Variants in TAF12 observed in about 807,000 individuals in gnomAD.
TAF12 encodes TATA-box binding protein associated factor 12.
A neutral mutation model predicts 20.8 loss-of-function variants in TAF12; 3 were observed. The ratio of observed to expected loss-of-function variants is 0.14; its 90% confidence interval spans 0.07 to 0.37. The LOEUF (loss-of-function observed/expected upper bound fraction) is 0.37, where lower values mean the gene tolerates loss of function less well. Ranked by LOEUF, TAF12 falls within the 10% of genes least tolerant of loss-of-function variation. The pLI, the probability that TAF12 is intolerant of heterozygous loss-of-function variation, is 1.00. For synonymous variants in TAF12, 69 were observed against 70.2 expected (o/e 0.98, Z 0.09); for missense variants, 131 against 197.9 (o/e 0.66, Z 2.03).
chr1:28,627,175 T>C (rs1288669804), intron 1 of TAF12, among the ~76,000 whole-genome samples: 1 of 150,428 alleles, frequency 6.6e-6, no homozygotes, highest in Non-Finnish European at 1.5e-5. Flanking sequence ...TCACTTGAGG[T>C]CAGGGGTTCG....
chr1:28,609,804 T>C (rs1666791828), intron 4 of TAF12, among the ~76,000 whole-genome samples: 1 of 151,714 alleles, frequency 6.6e-6, no homozygotes. Context: ...ACATTTGTTA[T>C]GCAACCATCA....
chr1:28,622,871 A>C lies in TAF12; in HGVS notation c.-84-706T>G, dbSNP rs1030305392. 4.6e-5 allele frequency among the ~76,000 whole-genome samples: 7 copies of C among 151,706 alleles called. No individual in the cohort carries two copies. In the East Asian group the frequency reaches 1.2e-3, roughly 25 times the overall value. ...CCCCATCTCTACTAAAAATACAAAA[A>C]AATTGGCTAGGCGTAGTGGCACATG... On this transcript the variant is annotated intron_variant, in intron 1 of 5. Transcript: ENST00000373824.
At chr1:28,624,806 G>A (rs1208744102) in intron 1 of TAF12, among the ~76,000 whole-genome samples, 2 of 151,744 alleles carry the variant, frequency 1.3e-5, no homozygotes, top group African/African-American at 4.8e-5. Context: ...TGTTCTCCTG[G>A]TTTACGCTTA....
chr1:28,625,838 G>A (rs1156331048), intron 1 of TAF12, among the ~76,000 whole-genome samples: 1 of 150,688 alleles, frequency 6.6e-6, no homozygotes, highest in Non-Finnish European at 1.5e-5. Context: ...ACCGCGCCTG[G>A]CCCCAGCTAA....
intron 1 of TAF12, 193 bp downstream of exon 1, chr1:28,642,799 C>T: frequency 8.1e-6 from 8 of 985,528 alleles, no homozygotes; most frequent in Non-Finnish European, 9.6e-6. Flanking sequence ...TAAGTCCCGT[C>T]TTAGAGCCCG....
At chr1:28,618,446 T>C (rs902832333) in intron 2 of TAF12, among the ~76,000 whole-genome samples, 1 of 152,012 alleles carries the variant, frequency 6.6e-6, no homozygotes, top group African/African-American at 2.4e-5. Flanking sequence ...GGCATGATCA[T>C]GGCTTACTGT....
At chr1:28,613,617 A>G (rs1372280391) in intron 3 of TAF12, among the ~76,000 whole-genome samples, 2 of 152,224 alleles carry the variant, frequency 1.3e-5, no homozygotes, top group Non-Finnish European at 2.9e-5. Flanking sequence ...CCTACCCTCC[A>G]TATCTTTATT....
At chr1:28,630,685 A>G (rs1667587838) in intron 1 of TAF12, among the ~76,000 whole-genome samples, 1 of 145,790 alleles carries the variant, frequency 6.9e-6, no homozygotes, top group Non-Finnish European at 1.5e-5. Context: ...CACAATCCAC[A>G]AAAGAAAAGA....
chr1:28,632,838 A>G (rs1297838230), intron 1 of TAF12, among the ~76,000 whole-genome samples: 1 of 152,090 alleles, frequency 6.6e-6, no homozygotes, highest in Non-Finnish European at 1.5e-5. Flanking sequence ...ACTGTACCCC[A>G]TAATAATTTT....
chr1:28,622,206 G>A (rs1437066976), intron 1 of TAF12, 41 bp from the exon 2 acceptor site: 2 of 1,440,438 alleles, frequency 1.4e-6, no homozygotes, highest in South Asian at 1.5e-5. Context: ...AGAAGAACCT[G>A]TAATAAAGGA....
rs1338637346 is a variant in TAF12 at position 28,633,450 on chromosome 1, GAGA to G, written c.-85+9539_-85+9541del. Among the ~76,000 whole-genome samples, 49 of 150,572 alleles carry G rather than the reference GAGA, an allele frequency of 3.3e-4. No homozygotes were observed. In the East Asian group the frequency reaches 9.7e-3, roughly 30 times the overall value. On this transcript the variant is annotated intron_variant, in intron 1 of 5. Coordinates refer to ENST00000373824, the MANE Select transcript of TAF12 (RefSeq NM_005644.4). ...CCCAAAGTGCTGGGATTACAGGCAT[GAGA>G]CACTGTATCCAACCGAAAATAAATT...
intron 5 of TAF12, among the ~76,000 whole-genome samples, chr1:28,604,352 A>T (rs561680755): frequency 6.6e-6 from 1 of 152,296 alleles, no homozygotes; most frequent in African/African-American, 2.4e-5. Flanking sequence ...GAAACTGAAG[A>T]CTAACAACTT....
intron 1 of TAF12, among the ~76,000 whole-genome samples, chr1:28,624,441 C>T (rs560317326): frequency 1.2e-4 from 19 of 152,278 alleles, no homozygotes; most frequent in African/African-American, 3.8e-4. Context: ...ACCACACTGT[C>T]TGACTTTCTA....
At chr1:28,636,268 T>A (rs4252975) in intron 1 of TAF12, among the ~76,000 whole-genome samples, 40 of 152,252 alleles carry the variant, frequency 2.6e-4, no homozygotes, top group Admixed American at 1.1e-3. Context: ...GAGGACAACA[T>A]GGGAGGACTG....
chr1:28,612,562 A>ATATACATAT (rs1382872900), intron 4 of TAF12, among the ~76,000 whole-genome samples: 4 of 140,752 alleles, frequency 2.8e-5, no homozygotes, highest in Non-Finnish European at 4.7e-5. Flanking sequence ...ACACATAAAT[A>ATATACATAT]TATACATATA....
intron 2 of TAF12, among the ~76,000 whole-genome samples, chr1:28,619,967 GAGAC>G (rs757873143): frequency 3.1e-4 from 47 of 151,262 alleles, no homozygotes; most frequent in East Asian, 2.5e-3. Context: ...AAAAGAGAGA[GAGAC>G]AGACAGAGGA....
intron 1 of TAF12, among the ~76,000 whole-genome samples, chr1:28,629,865 CTT>C: frequency 6.6e-6 from 1 of 152,116 alleles, no homozygotes; most frequent in Non-Finnish European, 1.5e-5. Flanking sequence ...GCCCTGAACT[CTT>C]TGCCTCTATC....
At chr1:28,606,225 C>T (rs1043528003) in intron 4 of TAF12, among the ~76,000 whole-genome samples, 1 of 152,022 alleles carries the variant, frequency 6.6e-6, no homozygotes, top group Non-Finnish European at 1.5e-5. Flanking sequence ...TCTTGAACTC[C>T]TGACCTCGTG....
chr1:28,632,230 G>C (rs1410861919), intron 1 of TAF12, among the ~76,000 whole-genome samples: 3 of 152,174 alleles, frequency 2.0e-5, no homozygotes, highest in African/African-American at 7.2e-5. Context: ...CTGAGGTCAG[G>C]AGTTTGAGAC....
Sources: gnomAD v4.1 joint callset for allele counts (sites outside exome capture counted in the v4.1 genomes callset) on GRCh38, gnomAD v4.1.1 for gene constraint, MANE v1.5 for transcripts, NCBI Gene and HGNC (gene_info 2026-07-23, HGNC 2026-07-21) for gene names.